Variants in MAP4K3 observed in about 807,000 individuals in gnomAD.
MAP4K3 encodes the protein mitogen-activated protein kinase kinase kinase kinase 3.
In MAP4K3, 94 loss-of-function variants were observed where a neutral mutation model predicts 143.5. The observed-to-expected ratio is 0.65, with a 90% confidence interval of 0.55 to 0.78. The LOEUF is 0.78. Among genes scored for constraint, MAP4K3 ranks in the 30% least tolerant of loss-of-function variants. MAP4K3 has a pLI of 0.00. For synonymous variants in MAP4K3, 416 were observed against 347.2 expected (o/e 1.20, Z -2.20); for missense variants, 1,077 against 1,068.1 (o/e 1.01, Z -0.12).
intron 1 of MAP4K3, among the ~76,000 whole-genome samples, chr2:39,391,016 A>C (rs1239339651): frequency 1.3e-5 from 2 of 152,154 alleles, no homozygotes; most frequent in African/African-American, 4.8e-5. Context: ...AAACATGTTA[A>C]ATATATTCTG....
chr2:39,342,556 G>A (rs961358958), intron 4 of MAP4K3, among the ~76,000 whole-genome samples: 1 of 152,020 alleles, frequency 6.6e-6, no homozygotes, highest in African/African-American at 2.4e-5. Flanking sequence ...TATTTCAACT[G>A]TAATCCCAGT....
In MAP4K3 at chr2:39,309,486, T is replaced by C. The variant is rs1682860616; in HGVS notation, c.1031A>G (p.Lys344Arg). The C allele has an allele frequency of 1.3e-6, 2 of 1,596,044 alleles. No individual in the cohort carries two copies. The highest frequency in any genetic ancestry group is 2.2e-5 in the East Asian group (1 of 44,684). ...AAGTTCATGATGTGGTTCTGTCTCC[T>C]TTCTTAAGGGTGGATCAAATTTCAC... ...GQVKFDPPLR[K>R]ETEPHHELPD... Residue 344 changes from lysine (K) to arginine (R), a missense_variant, in exon 14 of 34, where the codon AAG (lysine) becomes AGG (arginine). Transcript: ENST00000263881.
rs562919099 is a variant in MAP4K3, at chr2:39,315,512, T to C, written c.919-124A>G. Reference sequence around the variant, plus strand: ...TAAAAATGAAAGCAAAACAGCACTTTGCAAATTTTTTTTTTTTAAAAAAGC... The same window carrying C: ...TAAAAATGAAAGCAAAACAGCACTTCGCAAATTTTTTTTTTTTAAAAAAGC... On this transcript the variant is annotated intron_variant, in intron 12 of 33. Coordinates refer to ENST00000263881, the MANE Select transcript of MAP4K3 (RefSeq NM_003618.4). The C allele has an allele frequency of 8.4e-5, 45 of 538,484 alleles. No homozygotes were observed. The South Asian group carries it at 9.3e-4, about 11-fold the overall frequency. 33.4% of individuals were successfully genotyped at this position (538,484 alleles called of 1,614,324 possible).
intron 2 of MAP4K3, among the ~76,000 whole-genome samples, chr2:39,371,094 C>T (rs73923889): frequency 0.061 from 9,343 of 152,148 alleles, 376 homozygotes; most frequent in Middle Eastern, 0.11. Flanking sequence ...GGAACAAACC[C>T]GTCATCTGAC....
intron 28 of MAP4K3, among the ~76,000 whole-genome samples, chr2:39,261,690 T>C (rs1433142948): frequency 6.6e-6 from 1 of 152,130 alleles, no homozygotes; most frequent in Non-Finnish European, 1.5e-5. Context: ...ACAGATAAAA[T>C]TACGGCACAT....
At chr2:39,282,734 C>A (rs1386092362) in intron 21 of MAP4K3, among the ~76,000 whole-genome samples, 180 bp from the exon 22 acceptor site, 2 of 152,158 alleles carry the variant, frequency 1.3e-5, no homozygotes, top group Non-Finnish European at 2.9e-5. Context: ...CTAGTACTTG[C>A]CCCAGAAAAA....
At chr2:39,412,448 T>G (rs1439334811) in intron 1 of MAP4K3, among the ~76,000 whole-genome samples, 2 of 152,010 alleles carry the variant, frequency 1.3e-5, no homozygotes, top group Non-Finnish European at 2.9e-5. Flanking sequence ...TACATTCCAG[T>G]TAAGGGAAAT....
chr2:39,395,831 G>C (rs994619165), intron 1 of MAP4K3, among the ~76,000 whole-genome samples: 1 of 152,098 alleles, frequency 6.6e-6, no homozygotes, highest in African/African-American at 2.4e-5. Context: ...AGGAGGGGGA[G>C]AAACTGAGAT....
At chr2:39,388,544 TGTG>T (rs1171257158) in intron 1 of MAP4K3, among the ~76,000 whole-genome samples, 2 of 152,194 alleles carry the variant, frequency 1.3e-5, no homozygotes, top group Non-Finnish European at 2.9e-5. Flanking sequence ...TTTTATTAGA[TGTG>T]GTGAAAGCTG....
intron 1 of MAP4K3, among the ~76,000 whole-genome samples, chr2:39,424,830 CAAAAAAA>C (rs58960920): frequency 1.5e-5 from 1 of 68,196 alleles, no homozygotes; most frequent in Admixed American, 1.6e-4. Context: ...TAACCTGACT[CAAAAAAA>C]AAAAAAAAAA....
At chr2:39,290,414 A>T (rs1681992254) in intron 18 of MAP4K3, 80 bp from the exon 19 acceptor site, 1 of 900,678 alleles carries the variant, frequency 1.1e-6, no homozygotes, top group Non-Finnish European at 1.7e-6. Flanking sequence ...TTTTTCAAAG[A>T]CACATAAAAA....
intron 33 of MAP4K3, 128 bp downstream of exon 33, chr2:39,251,702 T>C (rs2148428308): frequency 1.4e-6 from 1 of 735,886 alleles, no homozygotes; most frequent in South Asian, 2.0e-5. Flanking sequence ...TGTGAATTCT[T>C]ATAGTGTGAA....
At chr2:39,428,840 C>T (rs1000420920) in intron 1 of MAP4K3, among the ~76,000 whole-genome samples, 4 of 150,642 alleles carry the variant, frequency 2.7e-5, no homozygotes, top group African/African-American at 4.9e-5. Flanking sequence ...GAGGCTGAGG[C>T]GGGTGGATCA....
chr2:39,272,079 A>G, intron 26 of MAP4K3: 1 of 400,860 alleles, frequency 2.5e-6, no homozygotes, highest in South Asian at 7.4e-5. Context: ...CAGAGAGAAA[A>G]TGTCTGATAT....
rs1202192706 is a variant in MAP4K3 at position 39,432,915 on chromosome 2, G to GA, written c.96+3976dup. Among the ~76,000 whole-genome samples, 7 of 151,766 alleles carry GA rather than the reference G, an allele frequency of 4.6e-5. No individual in the cohort carries two copies. The East Asian group carries it at 9.7e-4, about 21-fold the overall frequency. ...GAATGGCTTCCAAACACACAAAGGT[G>GA]AAAAAAAATCAATATCAACGTTTCC... is the stretch of plus-strand genomic sequence containing the variant. On this transcript the variant is annotated intron_variant, in intron 1 of 33. Coordinates refer to ENST00000263881, the MANE Select transcript of MAP4K3 (RefSeq NM_003618.4).
At chr2:39,362,823 A>C (rs1485250826) in intron 2 of MAP4K3, among the ~76,000 whole-genome samples, 2 of 152,246 alleles carry the variant, frequency 1.3e-5, no homozygotes, top group Non-Finnish European at 2.9e-5. Context: ...GCAATCAAAC[A>C]ATATGGCACT....
chr2:39,276,732 C>A (rs1681268972), intron 24 of MAP4K3, among the ~76,000 whole-genome samples: 1 of 152,220 alleles, frequency 6.6e-6, no homozygotes, highest in African/African-American at 2.4e-5. Flanking sequence ...TTAATAGCAT[C>A]ACCATTATTA....
At chr2:39,253,334 A>G (rs1357230298) in intron 32 of MAP4K3, among the ~76,000 whole-genome samples, 1 of 152,124 alleles carries the variant, frequency 6.6e-6, no homozygotes, top group Non-Finnish European at 1.5e-5. Flanking sequence ...AGGTTTCACC[A>G]TGTTGGCCAG....
intron 1 of MAP4K3, among the ~76,000 whole-genome samples, chr2:39,391,908 C>T (rs1237263297): frequency 1.3e-5 from 2 of 152,024 alleles, no homozygotes; most frequent in Non-Finnish European, 2.9e-5. Flanking sequence ...ATGGGCCAGG[C>T]GCGGTGGCTC....
Sources: gnomAD v4.1 joint callset for allele counts (sites outside exome capture counted in the v4.1 genomes callset) on GRCh38, gnomAD v4.1.1 for gene constraint, MANE v1.5 for transcripts, NCBI Gene and HGNC (gene_info 2026-07-23, HGNC 2026-07-21) for gene names.